The following ARHGAP32 variants were observed in gnomAD, a reference collection of about 807,000 sequenced individuals.
ARHGAP32 encodes rho GTPase-activating protein 32.
A neutral mutation model predicts 186.5 loss-of-function variants in ARHGAP32; 51 were observed. The observed-to-expected ratio is 0.27, with a 90% CI of 0.22 to 0.35. The LOEUF (loss-of-function observed/expected upper bound fraction) is 0.35. ARHGAP32 is among the 10% of genes least tolerant of loss of function. ARHGAP32 has a pLI of 1.00. For synonymous variants in ARHGAP32, 950 were observed against 964.3 expected (o/e 0.99, Z 0.27); for missense variants, 2,186 against 2,623.5 (o/e 0.83, Z 3.64).
intron 5 of ARHGAP32, among the ~76,000 whole-genome samples, chr11:129,110,037 G>A (rs1181545533): frequency 1.3e-5 from 2 of 152,042 alleles, no homozygotes; most frequent in Non-Finnish European, 2.9e-5. Context: ...ATCCAGAAGT[G>A]TTTCCCCTGT....
chr11:129,081,809 C>A (rs1009248191), intron 6 of ARHGAP32, among the ~76,000 whole-genome samples: 1 of 151,986 alleles, frequency 6.6e-6, no homozygotes, highest in South Asian at 2.1e-4. Flanking sequence ...GGAAGTCAAA[C>A]TGTCGCTGTT....
chr11:129,112,135 C>T (rs546342048), intron 5 of ARHGAP32, among the ~76,000 whole-genome samples: 4 of 151,972 alleles, frequency 2.6e-5, no homozygotes, highest in African/African-American at 9.6e-5. Context: ...CCCAGCTACT[C>T]GGGAGGCTGA....
intron 5 of ARHGAP32, among the ~76,000 whole-genome samples, chr11:129,106,082 T>C (rs1416479470): frequency 6.6e-6 from 1 of 152,176 alleles, no homozygotes; most frequent in Non-Finnish European, 1.5e-5. Flanking sequence ...GAATGTAAAT[T>C]ACTTCAGCCA....
intron 2 of ARHGAP32, among the ~76,000 whole-genome samples, chr11:129,138,538 C>T (rs1211894639): frequency 1.3e-5 from 2 of 152,014 alleles, no homozygotes; most frequent in African/African-American, 4.8e-5. Context: ...CTGTACAGAC[C>T]CTTTAAAGAA....
intron 6 of ARHGAP32, among the ~76,000 whole-genome samples, chr11:129,073,558 GA>G (rs1940937195): frequency 1.3e-5 from 2 of 151,992 alleles, no homozygotes; most frequent in African/African-American, 4.8e-5. Flanking sequence ...AAAGACTAAA[GA>G]AAAGGAACAG....
intron 11 of ARHGAP32, among the ~76,000 whole-genome samples, chr11:129,032,804 AT>A (rs1388510198): frequency 6.6e-6 from 1 of 152,236 alleles, no homozygotes; most frequent in Non-Finnish European, 1.5e-5. Context: ...TCCAAAGAAA[AT>A]ATACAATGGG....
chr11:129,195,137 TTTG>T (rs893105402), upstream of ARHGAP32, among the ~76,000 whole-genome samples: 219 of 151,798 alleles, frequency 1.4e-3, 1 homozygote, highest in African/African-American at 5.1e-3. Context: ...CCTGCTAATT[TTTG>T]TTGTTGTTGT....
chr11:129,001,392 C>T (rs1946354607), intron 11 of ARHGAP32, among the ~76,000 whole-genome samples: 1 of 152,176 alleles, frequency 6.6e-6, no homozygotes, highest in Non-Finnish European at 1.5e-5. Flanking sequence ...CTTTTATACA[C>T]CTACTTGCCA....
intron 12 of ARHGAP32, among the ~76,000 whole-genome samples, chr11:128,989,138 T>C (rs1362090147): frequency 6.6e-6 from 1 of 152,202 alleles, no homozygotes; most frequent in Non-Finnish European, 1.5e-5. Flanking sequence ...TCCTTTATTA[T>C]TATAACCAAC....
intron 1 of ARHGAP32, among the ~76,000 whole-genome samples, chr11:129,274,058 T>G (rs1016666337): frequency 1.3e-5 from 2 of 151,922 alleles, no homozygotes; most frequent in African/African-American, 4.8e-5. Context: ...GCCAGAATTT[T>G]ACTTCTATTC....
intron 11 of ARHGAP32, among the ~76,000 whole-genome samples, chr11:129,005,413 C>G (rs1203706918): frequency 1.3e-5 from 2 of 152,088 alleles, no homozygotes; most frequent in African/African-American, 4.8e-5. Context: ...GAAGTATTCC[C>G]TTTAGCATTT....
intron 1 of ARHGAP32, among the ~76,000 whole-genome samples, chr11:129,226,883 C>A (rs942611924): frequency 1.3e-5 from 2 of 151,888 alleles, no homozygotes; most frequent in African/African-American, 4.8e-5. Context: ...GTCCTTCAGA[C>A]TGAAATAAAA....
intron 3 of ARHGAP32, 87 bp downstream of exon 3, chr11:129,124,716 A>T: frequency 9.7e-7 from 1 of 1,029,496 alleles, no homozygotes; most frequent in Non-Finnish European, 1.4e-6. Flanking sequence ...TTTTTGTAAA[A>T]AGTCTAAATA....
intron 1 of ARHGAP32, among the ~76,000 whole-genome samples, chr11:129,173,730 A>G (rs938696623): frequency 6.6e-6 from 1 of 152,232 alleles, no homozygotes; most frequent in Non-Finnish European, 1.5e-5. Flanking sequence ...ATACCTATTC[A>G]TAAATTCTTT....
rs1938091261 is a variant in ARHGAP32, at chr11:129,011,663, A to C, written c.1046-13195T>G. On this transcript the variant is annotated intron_variant, in intron 11 of 22. Coordinates refer to ENST00000682385, the MANE Select transcript of ARHGAP32 (RefSeq NM_001378024.1). ...ATTTTAAAACACTGGGTTCCTTTAA[A>C]AATAACCAAATATGTTTATCAGAAA... Among the ~76,000 whole-genome samples, 5 of 152,212 alleles carry C rather than the reference A, an allele frequency of 3.3e-5. No homozygotes were observed. In the South Asian group the frequency reaches 1.0e-3, roughly 32 times the overall value.
intron 11 of ARHGAP32, chr11:129,030,566 G>C (rs1301294780): frequency 6.6e-6 from 1 of 150,728 alleles, no homozygotes; most frequent in South Asian, 2.1e-4. Flanking sequence ...CACTTAACTA[G>C]TCTTAAAGAA....
At chr11:129,033,820 T>C (rs1306089172) in intron 11 of ARHGAP32, among the ~76,000 whole-genome samples, 1 of 152,170 alleles carries the variant, frequency 6.6e-6, no homozygotes, top group Non-Finnish European at 1.5e-5. Context: ...TCAGTACTCT[T>C]TATTGAAATG....
chr11:129,056,130 A>G (rs1227020348), intron 10 of ARHGAP32, among the ~76,000 whole-genome samples: 1 of 152,190 alleles, frequency 6.6e-6, no homozygotes, highest in East Asian at 1.9e-4. Flanking sequence ...AAAGATCAGC[A>G]TTTTGCTGAT....
At chr11:129,138,648 G>A (rs1048986723) in intron 2 of ARHGAP32, among the ~76,000 whole-genome samples, 1 of 152,058 alleles carries the variant, frequency 6.6e-6, no homozygotes, top group Non-Finnish European at 1.5e-5. Context: ...ACTGTGTTCT[G>A]ATACAGAACC....
Sources: allele counts gnomAD v4.1 joint callset (sites outside exome capture counted in the v4.1 genomes callset), GRCh38; gene constraint gnomAD v4.1.1; transcripts MANE v1.5; gene names NCBI Gene and HGNC (gene_info 2026-07-23, HGNC 2026-07-21).